Variants in CFAP210 observed in about 807,000 individuals in gnomAD.
CFAP210 encodes cilia- and flagella- associated protein 210.
At chr2:169,653,971 C>A in the CFAP210 span, 1 of 1,221,106 alleles carries the variant, frequency 8.2e-7, no homozygotes, top group South Asian at 1.7e-5. Context: ...ATGCTCTAGT[C>A]ATATATAAAA....
At chr2:169,672,770 A>T in the CFAP210 span, among the ~76,000 whole-genome samples, 1 of 152,070 alleles carries the variant, frequency 6.6e-6, no homozygotes, top group African/African-American at 2.4e-5. Context: ...CTTCTCCCAG[A>T]CCACTGACTC....
chr2:169,653,580 T>G, the CFAP210 span, among the ~76,000 whole-genome samples: 2 of 138,012 alleles, frequency 1.4e-5, no homozygotes, highest in Non-Finnish European at 3.2e-5. Flanking sequence ...CTAAATCTGA[T>G]GAATACTTCA....
the CFAP210 span, among the ~76,000 whole-genome samples, chr2:169,660,128 C>T: frequency 2.6e-5 from 4 of 151,806 alleles, no homozygotes; most frequent in South Asian, 6.2e-4. Context: ...GTGGCTCATG[C>T]CTGCAATCCT....
chr2:169,686,893 G>A, the CFAP210 span, among the ~76,000 whole-genome samples: 2 of 152,098 alleles, frequency 1.3e-5, no homozygotes, highest in Non-Finnish European at 1.5e-5. Context: ...TGCTGATAAA[G>A]ACATACCTGA....
At chr2:169,673,759 A>G in the CFAP210 span, among the ~76,000 whole-genome samples, 1 of 152,168 alleles carries the variant, frequency 6.6e-6, no homozygotes, top group African/African-American at 2.4e-5. Flanking sequence ...GCAAAGGGGC[A>G]TGAGGGAAAT....
the CFAP210 span, among the ~76,000 whole-genome samples, chr2:169,654,789 TATATA>T: frequency 2.0e-5 from 3 of 151,968 alleles, no homozygotes; most frequent in East Asian, 3.9e-4. Flanking sequence ...CAAATATATA[TATATA>T]ATATAAAGTT....
chr2:169,654,851 T>C, the CFAP210 span, among the ~76,000 whole-genome samples: 13 of 152,236 alleles, frequency 8.5e-5, no homozygotes, highest in South Asian at 2.5e-3. Context: ...AAAAATGTTT[T>C]TTTACATACA....
At chr2:169,670,696 T>C in the CFAP210 span, among the ~76,000 whole-genome samples, 2 of 152,196 alleles carry the variant, frequency 1.3e-5, no homozygotes, top group African/African-American at 4.8e-5. Context: ...GACCTCTCCA[T>C]TGATCTGCTT....
the CFAP210 span, among the ~76,000 whole-genome samples, chr2:169,685,957 C>T: frequency 6.6e-6 from 1 of 152,158 alleles, no homozygotes; most frequent in Non-Finnish European, 1.5e-5. Flanking sequence ...CTATTACACT[C>T]ATCTATATGT....
the CFAP210 span, among the ~76,000 whole-genome samples, chr2:169,653,619 G>A: frequency 1.3e-5 from 2 of 151,982 alleles, no homozygotes; most frequent in South Asian, 2.1e-4. Flanking sequence ...ATCCCATTAC[G>A]ACCTAATACT....
the CFAP210 span, among the ~76,000 whole-genome samples, chr2:169,652,108 A>C: frequency 6.6e-6 from 1 of 152,204 alleles, no homozygotes; most frequent in Non-Finnish European, 1.5e-5. Context: ...TTGCATAAAA[A>C]ATAATTTTGT....
chr2:169,645,446 C>T, the CFAP210 span: 1 of 161,964 alleles, frequency 6.2e-6, no homozygotes, highest in Non-Finnish European at 1.4e-5. Flanking sequence ...TCTGTTTATT[C>T]AAAATACCCA....
chr2:169,667,299 T>C, the CFAP210 span, among the ~76,000 whole-genome samples: 1 of 152,056 alleles, frequency 6.6e-6, no homozygotes, highest in Non-Finnish European at 1.5e-5. Context: ...CCACCATGCC[T>C]GGCTAATTTT....
chr2:169,681,616 A>C, the CFAP210 span, among the ~76,000 whole-genome samples: 1 of 152,186 alleles, frequency 6.6e-6, no homozygotes, highest in Non-Finnish European at 1.5e-5. Flanking sequence ...GTGGGTGTTC[A>C]TCTTTTGGGG....
At chr2:169,652,473 G>T in the CFAP210 span, among the ~76,000 whole-genome samples, 31 of 152,046 alleles carry the variant, frequency 2.0e-4, no homozygotes, top group Middle Eastern at 3.2e-3. Context: ...ATGGTGGTGC[G>T]CACCTTTAGT....
At chr2:169,665,276 C>T in the CFAP210 span, among the ~76,000 whole-genome samples, 1 of 147,108 alleles carries the variant, frequency 6.8e-6, no homozygotes, top group East Asian at 1.9e-4. Context: ...AGACAGGTTT[C>T]ATTCTTTCAT....
the CFAP210 span, chr2:169,694,339 A>C: frequency 6.2e-7 from 1 of 1,613,520 alleles, no homozygotes; most frequent in Non-Finnish European, 8.5e-7. Context: ...ATGCTCCTAG[A>C]TCTGGAAAAG....
chr2:169,667,937 T>C, the CFAP210 span, among the ~76,000 whole-genome samples: 1 of 152,164 alleles, frequency 6.6e-6, no homozygotes. Context: ...CCAGCTACAT[T>C]AGCTGCTAAC....
At chr2:169,685,073 TTC>T in the CFAP210 span, among the ~76,000 whole-genome samples, 419 of 152,382 alleles carry the variant, frequency 2.7e-3, 4 homozygotes, top group Non-Finnish European at 4.7e-3. Flanking sequence ...TTATGAATAA[TTC>T]TGTTATGAAC....
Sources: gnomAD v4.1 joint callset for allele counts (sites outside exome capture counted in the v4.1 genomes callset) on GRCh38, gnomAD v4.1.1 for gene constraint, MANE v1.5 for transcripts, NCBI Gene and HGNC (gene_info 2026-07-23, HGNC 2026-07-21) for gene names.